Variants in LRP5 observed in about 807,000 individuals in gnomAD.
LRP5 encodes the protein LDL receptor related protein 5.
In LRP5, 62 loss-of-function variants were observed where a neutral mutation model predicts 154.1. That is an observed-to-expected ratio of 0.40 (90% confidence interval 0.33 to 0.50). The LOEUF is 0.50. Among genes scored for constraint, LRP5 ranks in the 20% least tolerant of loss-of-function variants. The pLI is 0.55. For missense variants in LRP5, 1,915 were observed against 2,336.7 expected, an observed-to-expected ratio of 0.82 and a Z score of 3.72; for synonymous variants, 966 against 1,011.5, an observed-to-expected ratio of 0.96 and a Z score of 0.85.
At chr11:68,446,596 C>T in intron 22 of LRP5, 63 bp downstream of exon 22, 1 of 1,386,838 alleles carries the variant, frequency 7.2e-7, no homozygotes. Flanking sequence ...GTGGAGGGGC[C>T]TAATCCCCAT....
At chr11:68,375,764 C>T (rs983576022) in intron 5 of LRP5, among the ~76,000 whole-genome samples, 12 of 152,228 alleles carry the variant, frequency 7.9e-5, no homozygotes, top group African/African-American at 2.7e-4. Flanking sequence ...AGAAGCCCCC[C>T]GTCTCTGTGC....
At chr11:68,370,796 G>A (rs545610409) in intron 5 of LRP5, among the ~76,000 whole-genome samples, 27 of 152,202 alleles carry the variant, frequency 1.8e-4, no homozygotes, top group Non-Finnish European at 2.9e-4. Context: ...ACTCTGGGCC[G>A]GGAACGTCCA....
chr11:68,433,773 A>G lies in LRP5; in HGVS notation c.3935A>G (p.Asp1312Gly), dbSNP rs1326840854. Residue 1312 changes from aspartate (D) to glycine (G), a missense_variant, in exon 18 of 23, where the codon GAC becomes GGC. Asp to Gly is a moderately conservative substitution (Grantham distance 94). This residue lies in a region of LRP5 where 1,094 missense variants were observed against 1,210.1 expected (regional missense o/e 0.90). Coordinates refer to ENST00000294304, the MANE Select transcript of LRP5 (RefSeq NM_002335.4). ...QFPCARGQCV[D>G]LRLRCDGEAD... ...CCCTGCGCGCGGGGTCAGTGTGTGG[A>G]CCTGCGCCTGCGCTGCGACGGCGAG... 2 of 1,612,496 alleles carry G rather than the reference A, an allele frequency of 1.2e-6. No individual in the cohort carries two copies. Among genetic ancestry groups the G allele is most frequent in the East Asian group, 2.2e-5 (1 of 44,866 alleles).
In LRP5 at chr11:68,348,280, C is replaced by T. The variant is rs948876177; in HGVS notation, c.488+37C>T. The T allele has an allele frequency of 4.8e-5, 76 of 1,599,080 alleles. No homozygotes were observed. Among genetic ancestry groups the T allele is most frequent in the African/African-American group, 3.1e-4 (23 of 75,016 alleles). ...TGCGACTCCACCTGGGTCCAGGGGGCGGGGAGTGTCACCATCTCTCTCTCG... is the reference window on the plus strand; with the variant it reads ...TGCGACTCCACCTGGGTCCAGGGGGTGGGGAGTGTCACCATCTCTCTCTCG... On this transcript the variant is annotated intron_variant, in intron 2 of 22. Coordinates refer to ENST00000294304, the MANE Select transcript of LRP5 (RefSeq NM_002335.4).
At chr11:68,310,701 G>A (rs2153109524), upstream of LRP5, among the ~76,000 whole-genome samples, 1 of 148,432 alleles carries the variant, frequency 6.7e-6, no homozygotes, top group South Asian at 2.1e-4. Context: ...GTTGCAATGA[G>A]CTACGATCAC....
At chr11:68,408,371 C>T (rs2098656941) in intron 9 of LRP5, among the ~76,000 whole-genome samples, 1 of 151,258 alleles carries the variant, frequency 6.6e-6, no homozygotes, top group Non-Finnish European at 1.5e-5. Flanking sequence ...CGTGAGCCAC[C>T]ATGCCCAGCC....
chr11:68,405,386 A>G (rs905093114), intron 8 of LRP5, among the ~76,000 whole-genome samples: 1 of 148,744 alleles, frequency 6.7e-6, no homozygotes, highest in African/African-American at 2.5e-5. Context: ...TGGCAGGATC[A>G]CCTGAGTCTG....
chr11:68,347,401 G>T (rs1422577770), intron 1 of LRP5, among the ~76,000 whole-genome samples: 1 of 152,216 alleles, frequency 6.6e-6, no homozygotes, highest in Non-Finnish European at 1.5e-5. Context: ...ATGTGGCCCT[G>T]TGGCTGGGTC....
At chr11:68,320,256 C>T (rs980672314) in intron 1 of LRP5, among the ~76,000 whole-genome samples, 3 of 152,220 alleles carry the variant, frequency 2.0e-5, no homozygotes, top group Non-Finnish European at 4.4e-5. Flanking sequence ...ACACACTTTC[C>T]TATATCCTCT....
chr11:68,406,957 C>A lies in LRP5; in HGVS notation c.2091+144C>A, dbSNP rs1344581498. The A allele has an allele frequency of 4.1e-6, 3 of 738,414 alleles. No homozygotes were observed. In the Admixed American group the frequency reaches 1.0e-4, roughly 25 times the overall value. The allele number at this position is 738,414 out of a possible 1,614,324, so 45.7% of individuals were successfully genotyped here. A position where few individuals can be genotyped will look rare whatever the true frequency, so the allele number is the denominator to read the frequency against. On this transcript the variant is annotated intron_variant, in intron 9 of 22. Transcript: ENST00000294304. The stretch of plus-strand genomic sequence containing the variant: ...TCAAGCTAATCAAATATGAGCAAGC[C>A]TATTTAAAAAAAAAAAGATGATTAT...
At chr11:68,409,225 A>G (rs1047179541) in intron 9 of LRP5, among the ~76,000 whole-genome samples, 1 of 60,048 alleles carries the variant, frequency 1.7e-5, no homozygotes, top group Non-Finnish European at 3.9e-5. Flanking sequence ...ATAATATATA[A>G]TATAAAATAT....
chr11:68,381,750 T>C (rs2098640356), intron 5 of LRP5, among the ~76,000 whole-genome samples: 1 of 152,244 alleles, frequency 6.6e-6, no homozygotes, highest in Non-Finnish European at 1.5e-5. Context: ...CTGTAGCTGG[T>C]CCCAGGGAAG....
At chr11:68,407,169 CT>C (rs35107577) in intron 9 of LRP5, among the ~76,000 whole-genome samples, 4,475 of 136,906 alleles carry the variant, frequency 0.033, 90 homozygotes, top group African/African-American at 0.071. Context: ...TACAGGAAGA[CT>C]TTTTTTTTTT....
chr11:68,408,350 G>T (rs1251132724), intron 9 of LRP5, among the ~76,000 whole-genome samples: 3 of 150,646 alleles, frequency 2.0e-5, no homozygotes, highest in Non-Finnish European at 4.4e-5. Flanking sequence ...CCAAAGTGCT[G>T]GGATTACAGG....
chr11:68,357,990 C>G (rs1015540236), intron 3 of LRP5, 143 bp downstream of exon 3: 50 of 797,532 alleles, frequency 6.3e-5, no homozygotes, highest in Non-Finnish European at 1.0e-4. Context: ...GAACTTGGAA[C>G]AGCGTCAGGG....
At chr11:68,336,194 C>T (rs909393492) in intron 1 of LRP5, among the ~76,000 whole-genome samples, 3 of 152,110 alleles carry the variant, frequency 2.0e-5, no homozygotes, top group Non-Finnish European at 4.4e-5. Context: ...AGGTACAAGC[C>T]GAGCATGGGG....
intron 15 of LRP5, 93 bp downstream of exon 15, chr11:68,425,385 G>T (rs2098668182): frequency 7.7e-7 from 1 of 1,293,890 alleles, no homozygotes; most frequent in Non-Finnish European, 1.1e-6. Context: ...CCTGCCGTGA[G>T]CCCAGTGCCG....
chr11:68,299,066 C>T, the LRP5 span, among the ~76,000 whole-genome samples: 1 of 152,310 alleles, frequency 6.6e-6, no homozygotes, highest in East Asian at 1.9e-4. Context: ...CCTGAAAGTC[C>T]CTATCCCCCT....
At chr11:68,337,106 A>T (rs577011862) in intron 1 of LRP5, among the ~76,000 whole-genome samples, 4 of 152,370 alleles carry the variant, frequency 2.6e-5, no homozygotes, top group African/African-American at 9.6e-5. Flanking sequence ...TGTTGGGGGT[A>T]TAACAGGACC....
Sources: gnomAD v4.1 joint callset for allele counts (sites outside exome capture counted in the v4.1 genomes callset) on GRCh38, gnomAD v4.1.1 for gene constraint, gnomAD v4.1.1 regional missense constraint, MANE v1.5 for transcripts, NCBI Gene and HGNC (gene_info 2026-07-23, HGNC 2026-07-21) for gene names.